KCNH1: variants seen among roughly 807,000 people sequenced by gnomAD.
The protein encoded by KCNH1 is voltage-gated delayed rectifier potassium channel KCNH1.
A neutral mutation model predicts 69.2 loss-of-function variants in KCNH1; 27 were observed. The observed-to-expected ratio is 0.39, with a 90% CI of 0.29 to 0.54. The LOEUF is 0.54. Ranked by LOEUF, KCNH1 falls within the 20% of genes least tolerant of loss-of-function variation. The probability of loss-of-function intolerance (pLI) is 0.68; values close to 1 mark genes in which losing one functional copy is unlikely to be tolerated. For missense variants in KCNH1, 798 were observed against 1,261.6 expected (o/e 0.63, Z 5.57); for synonymous variants, 456 against 487.7 (o/e 0.93, Z 0.86).
At chr1:210,992,619 T>C (rs1688956985) in intron 6 of KCNH1, among the ~76,000 whole-genome samples, 1 of 152,222 alleles carries the variant, frequency 6.6e-6, no homozygotes, top group Admixed American at 6.5e-5. Flanking sequence ...AGGGGTTCTA[T>C]AAAACATTTT....
At chr1:210,708,874 G>A (rs908545890) in intron 10 of KCNH1, among the ~76,000 whole-genome samples, 1 of 152,204 alleles carries the variant, frequency 6.6e-6, no homozygotes, top group Non-Finnish European at 1.5e-5. Flanking sequence ...GAAGGGCATA[G>A]GGCAGGGAGG....
intron 7 of KCNH1, among the ~76,000 whole-genome samples, chr1:210,809,228 T>G (rs1684648973): frequency 6.6e-6 from 1 of 152,194 alleles, no homozygotes; most frequent in African/African-American, 2.4e-5. Context: ...AATTTCATTT[T>G]CTTAAATTTT....
At chr1:210,973,633 A>G (rs943613992) in intron 6 of KCNH1, among the ~76,000 whole-genome samples, 1 of 152,206 alleles carries the variant, frequency 6.6e-6, no homozygotes, top group Admixed American at 6.5e-5. Context: ...GTTTCCTTCC[A>G]GTGTAGGTAT....
intron 7 of KCNH1, among the ~76,000 whole-genome samples, chr1:210,855,761 A>G (rs924501119): frequency 1.3e-5 from 2 of 152,120 alleles, no homozygotes; most frequent in Non-Finnish European, 2.9e-5. Context: ...GGCTTCACAC[A>G]TAGTCAAGGG....
At chr1:211,016,751 A>G (rs551981866) in intron 6 of KCNH1, among the ~76,000 whole-genome samples, 2 of 151,872 alleles carry the variant, frequency 1.3e-5, no homozygotes, top group Non-Finnish European at 2.9e-5. Context: ...TCTACTAAAA[A>G]TACAAAAATT....
At chr1:211,069,703 A>C (rs1284272584) in intron 5 of KCNH1, among the ~76,000 whole-genome samples, 1 of 152,146 alleles carries the variant, frequency 6.6e-6, no homozygotes, top group Non-Finnish European at 1.5e-5. Flanking sequence ...ACAAAAAAAG[A>C]CCGGAAAAAA....
chr1:211,056,681 T>C (rs74156881), intron 5 of KCNH1, among the ~76,000 whole-genome samples: 3,364 of 152,184 alleles, frequency 0.022, 125 homozygotes, highest in African/African-American at 0.077. Context: ...AAGGGGCAGG[T>C]AGCTCGGCAC....
chr1:210,790,144 G>C (rs1684185351), intron 9 of KCNH1, among the ~76,000 whole-genome samples: 1 of 152,158 alleles, frequency 6.6e-6, no homozygotes, highest in Non-Finnish European at 1.5e-5. Flanking sequence ...CTATTCCTAT[G>C]TTCTATCTGT....
Position 210,682,304 on chromosome 1 carries a change from CAT to C in KCNH1, c.*975_*976del, listed in dbSNP as rs1279171720. 6.6e-6 allele frequency: 1 copy of C among 152,234 alleles called. No homozygotes were observed. Among genetic ancestry groups the C allele is most frequent in the Non-Finnish European group, 1.5e-5 (1 of 68,060 alleles). The allele number at this position is 152,234 out of a possible 1,614,324, so 9.4% of individuals were successfully genotyped here. A position where few individuals can be genotyped will look rare whatever the true frequency, so the allele number is the denominator to read the frequency against. On this transcript the variant is annotated 3_prime_UTR_variant, in exon 11 of 11. Coordinates refer to ENST00000271751, the MANE Select transcript of KCNH1 (RefSeq NM_172362.3). ...ATCCCAATGAGAATCAAAGTATAAA[CAT>C]AGCACTTGCTACAGTTCTGAGGTTG...
intron 10 of KCNH1, among the ~76,000 whole-genome samples, chr1:210,758,490 G>A (rs1312932774): frequency 6.6e-6 from 1 of 152,268 alleles, no homozygotes; most frequent in African/African-American, 2.4e-5. Context: ...TTGGTCAGCT[G>A]GGGGACAGTG....
intron 7 of KCNH1, among the ~76,000 whole-genome samples, chr1:210,884,310 A>C (rs1686557802): frequency 6.6e-6 from 1 of 152,194 alleles, no homozygotes; most frequent in Non-Finnish European, 1.5e-5. Context: ...GAGCTTTGTT[A>C]CTTGAGAGGA....
At chr1:211,043,642 G>C (rs1289779983) in intron 5 of KCNH1, among the ~76,000 whole-genome samples, 1 of 152,026 alleles carries the variant, frequency 6.6e-6, no homozygotes, top group African/African-American at 2.4e-5. Flanking sequence ...AACCAAAAAA[G>C]ACTACTACAG....
rs139537378 is a variant in KCNH1 at position 210,802,559 on chromosome 1, T to C, written c.1662+1408A>G. 5.0e-3 allele frequency among the ~76,000 whole-genome samples: 759 copies of C among 152,250 alleles called. 6 individuals carry two copies. Among genetic ancestry groups the C allele is most frequent in the African/African-American group, 0.017 (711 of 41,546 alleles). On this transcript the variant is annotated intron_variant, in intron 8 of 10. Coordinates refer to ENST00000271751, the MANE Select transcript of KCNH1 (RefSeq NM_172362.3). ...GAGATTAAATCTTTTTTATAGAAAA[T>C]ATGCAAAGAAAATTCATAAGTAAAT...
chr1:211,082,046 G>A, intron 5 of KCNH1, among the ~76,000 whole-genome samples: 1 of 152,078 alleles, frequency 6.6e-6, no homozygotes, highest in South Asian at 2.1e-4. Flanking sequence ...ATAATGACAA[G>A]TTGGGTGCAT....
intron 6 of KCNH1, among the ~76,000 whole-genome samples, chr1:210,958,389 G>A (rs1220070109): frequency 6.6e-6 from 1 of 152,054 alleles, no homozygotes; most frequent in Non-Finnish European, 1.5e-5. Context: ...TATGTGACTT[G>A]GGGTTGCTCT....
chr1:210,745,477 C>T (rs973138383), intron 10 of KCNH1, among the ~76,000 whole-genome samples: 1 of 152,078 alleles, frequency 6.6e-6, no homozygotes, highest in Non-Finnish European at 1.5e-5. Flanking sequence ...CCAAAAAGAC[C>T]TCTGTTTGAC....
intron 2 of KCNH1, among the ~76,000 whole-genome samples, chr1:211,104,754 G>T (rs1691322854): frequency 6.6e-6 from 1 of 152,204 alleles, no homozygotes; most frequent in African/African-American, 2.4e-5. Flanking sequence ...GAGCAGCAAT[G>T]ATCACTCCTC....
chr1:211,037,492 C>CTTTTTTTTTTTTTTTTTTTT (rs59386390), intron 5 of KCNH1, among the ~76,000 whole-genome samples: 1 of 115,394 alleles, frequency 8.7e-6, no homozygotes. Context: ...TAATTCAGTG[C>CTTTTTTTTTTTTTTTTTTTT]TTTTTTTTTT....
At chr1:210,794,494 A>C (rs975837594) in intron 9 of KCNH1, among the ~76,000 whole-genome samples, 14 of 152,226 alleles carry the variant, frequency 9.2e-5, no homozygotes, top group African/African-American at 3.1e-4. Context: ...AGATTTAGAG[A>C]CGCAGTCAAC....
Sources: allele counts gnomAD v4.1 joint callset (sites outside exome capture counted in the v4.1 genomes callset), GRCh38; gene constraint gnomAD v4.1.1; transcripts MANE v1.5; gene names NCBI Gene and HGNC (gene_info 2026-07-23, HGNC 2026-07-21).